Variants in HERC2 observed in about 807,000 individuals in gnomAD.
HERC2 encodes the protein HECT and RLD domain containing E3 ubiquitin protein ligase 2.
In HERC2, 102 loss-of-function variants were observed where a neutral mutation model predicts 537.7. The ratio of observed to expected loss-of-function variants is 0.19; its 90% confidence interval spans 0.16 to 0.22. The LOEUF is 0.22. Ranked by LOEUF, HERC2 falls within the 10% of genes least tolerant of loss-of-function variation. HERC2 has a pLI of 1.00. For synonymous variants in HERC2, 2,224 were observed against 2,466.2 expected, an observed-to-expected ratio of 0.90 and a Z score of 2.91; for missense variants, 4,236 against 6,198.2, an observed-to-expected ratio of 0.68 and a Z score of 10.63.
chr15:28,187,664 G>A (rs564585285), intron 55 of HERC2, among the ~76,000 whole-genome samples: 4 of 152,190 alleles, frequency 2.6e-5, no homozygotes, highest in South Asian at 2.1e-4. Flanking sequence ...AAACATATCC[G>A]CATTGCTATT....
intron 23 of HERC2, among the ~76,000 whole-genome samples, chr15:28,241,995 G>A (rs1049825754): frequency 6.6e-6 from 1 of 152,158 alleles, no homozygotes; most frequent in African/African-American, 2.4e-5. Flanking sequence ...ACCTTAAAAT[G>A]TAAGGACATT....
chr15:28,235,204 G>A (rs567642520), intron 26 of HERC2, among the ~76,000 whole-genome samples: 4 of 152,134 alleles, frequency 2.6e-5, no homozygotes, highest in African/African-American at 7.2e-5. Context: ...CACCACATTC[G>A]TTCTTCTGAA....
intron 89 of HERC2, among the ~76,000 whole-genome samples, chr15:28,115,062 G>T (rs1237796520): frequency 2.0e-5 from 3 of 151,774 alleles, no homozygotes. Flanking sequence ...TGGCTAGCAA[G>T]GGTTCCCTCC....
rs1161531287 is a variant in HERC2 at position 28,172,902 on chromosome 15, C to G, written c.10057+1493G>C. Among the ~76,000 whole-genome samples, 3 of 152,288 alleles carry G rather than the reference C, an allele frequency of 2.0e-5. No homozygotes were observed. The East Asian group carries it at 5.8e-4, about 29-fold the overall frequency. The stretch of plus-strand genomic sequence containing the variant: ...TAACCCAGAATATATAAGAAACTCT[C>G]AAACTCAGTAAGAAAACAATCAACC... On this transcript the variant is annotated intron_variant, in intron 65 of 92. Transcript: ENST00000261609.
intron 65 of HERC2, among the ~76,000 whole-genome samples, chr15:28,171,789 A>G (rs1894719130): frequency 6.6e-6 from 1 of 152,164 alleles, no homozygotes; most frequent in Non-Finnish European, 1.5e-5. Context: ...AAACCTATAC[A>G]ATAGACCGGG....
At chr15:28,285,351 T>G (rs570741042) in intron 4 of HERC2, among the ~76,000 whole-genome samples, 2 of 152,270 alleles carry the variant, frequency 1.3e-5, no homozygotes, top group East Asian at 3.9e-4. Context: ...ATATGTTCCC[T>G]CAAACAATGG....
intron 64 of HERC2, among the ~76,000 whole-genome samples, chr15:28,174,946 G>C (rs1029539982): frequency 6.6e-6 from 1 of 151,952 alleles, no homozygotes; most frequent in African/African-American, 2.4e-5. Context: ...ATTTTGCAAA[G>C]AAAAATGACC....
At chr15:28,133,877 C>A (rs1223225293) in intron 79 of HERC2, among the ~76,000 whole-genome samples, 1 of 152,210 alleles carries the variant, frequency 6.6e-6, no homozygotes, top group African/African-American at 2.4e-5. Context: ...CCAAGCCATG[C>A]TGTTTACTGC....
In HERC2 at chr15:28,133,271, G is replaced by A. The variant is rs367765685; in HGVS notation, c.12231-441C>T. On this transcript the variant is annotated intron_variant, in intron 79 of 92. Coordinates refer to ENST00000261609, the MANE Select transcript of HERC2 (RefSeq NM_004667.6). ...GAGTTTTAACATATGAATGTCACTAGTCTATAACATAGTGACTACTGATAA... is the reference window on the plus strand; with the variant it reads ...GAGTTTTAACATATGAATGTCACTAATCTATAACATAGTGACTACTGATAA... Among the ~76,000 whole-genome samples the A allele has an allele frequency of 6.6e-5, 10 of 152,060 alleles. No homozygotes were observed. The East Asian group carries it at 9.6e-4, about 15-fold the overall frequency.
At chr15:28,235,910 T>G (rs1467352924) in intron 26 of HERC2, among the ~76,000 whole-genome samples, 4 of 152,158 alleles carry the variant, frequency 2.6e-5, no homozygotes, top group East Asian at 3.9e-4. Context: ...AAAGAAAATG[T>G]AAACCCATCT....
chr15:28,227,090 C>G (rs1484279696), intron 35 of HERC2, among the ~76,000 whole-genome samples: 1 of 152,184 alleles, frequency 6.6e-6, no homozygotes, highest in East Asian at 1.9e-4. Context: ...GCCTGGCCAA[C>G]ATGGCTAAAC....
At chr15:28,114,570 T>C in intron 90 of HERC2, 42 bp downstream of exon 90, 2 of 1,577,014 alleles carry the variant, frequency 1.3e-6, no homozygotes. Flanking sequence ...TCTGCTACTT[T>C]TGCTATTTAT....
chr15:28,113,859 T>C lies in HERC2; in HGVS notation c.13914-181A>G. ...GGCACTGCAGAGCTTCTCCTGACAC[T>C]GGGCTCATCTCGTCCAGCCGACAGG... On this transcript the variant is annotated intron_variant, in intron 90 of 92. Coordinates refer to ENST00000261609, the MANE Select transcript of HERC2 (RefSeq NM_004667.6). The surrounding 1 kb of genome is among the most constrained non-coding windows in gnomAD (Gnocchi z 7.0). The C allele has an allele frequency of 1.6e-6, 1 of 628,380 alleles. No individual in the cohort carries two copies. Among genetic ancestry groups the C allele is most frequent in the Non-Finnish European group, 2.9e-6 (1 of 347,442 alleles). 38.9% of individuals were successfully genotyped at this position (628,380 alleles called of 1,614,324 possible).
intron 55 of HERC2, among the ~76,000 whole-genome samples, chr15:28,187,298 A>G (rs1422763427): frequency 6.6e-6 from 1 of 152,122 alleles, no homozygotes; most frequent in Non-Finnish European, 1.5e-5. Flanking sequence ...ACTTCAGTAT[A>G]TATCACTGAA....
Position 28,169,479 on chromosome 15 carries a change from C to A in HERC2, c.10229+5G>T, listed in dbSNP as rs1374974876. 5 of 1,559,882 alleles carry A rather than the reference C, an allele frequency of 3.2e-6. No homozygotes were observed. The African/African-American group carries it at 6.9e-5, about 21-fold the overall frequency. ...AGAATTTCAAAAATTAGCACAGAAGCCTACCTGGCATACATGATTTGCAAT... is the reference window on the plus strand; with the variant it reads ...AGAATTTCAAAAATTAGCACAGAAGACTACCTGGCATACATGATTTGCAAT... On this transcript the variant is annotated splice_donor_5th_base_variant and intron_variant, in intron 66 of 92. Transcript: ENST00000261609.
chr15:28,272,853 A>G (rs749051331), intron 8 of HERC2, 41 bp downstream of exon 8: 1 of 1,333,512 alleles, frequency 7.5e-7, no homozygotes. Context: ...TTCCATACAC[A>G]GGCGCTTCCC....
chr15:28,153,734 C>T (rs1272617046), intron 69 of HERC2, among the ~76,000 whole-genome samples: 1 of 152,194 alleles, frequency 6.6e-6, no homozygotes, highest in African/African-American at 2.4e-5. Flanking sequence ...AAATGAAACA[C>T]CGTGGTGACA....
At position 28,113,311 on chromosome 15, in the gene HERC2, G is replaced by A. The variant is rs768680749; in HGVS notation, c.14020-28C>T. The A allele has an allele frequency of 5.2e-5, 83 of 1,602,048 alleles. No individual in the cohort carries two copies. Among genetic ancestry groups the A allele is most frequent in the African/African-American group, 6.7e-5 (5 of 74,694 alleles). On this transcript the variant is annotated intron_variant, in intron 91 of 92. Coordinates refer to ENST00000261609, the MANE Select transcript of HERC2 (RefSeq NM_004667.6). The surrounding 1 kb of genome is among the most constrained non-coding windows in gnomAD (Gnocchi z 7.0). ...GCGGGAGGATGTCTGTCAGGGCCGCGTGATGCTTCCCACCCTGGCATTTCC... is the reference window on the plus strand; with the variant it reads ...GCGGGAGGATGTCTGTCAGGGCCGCATGATGCTTCCCACCCTGGCATTTCC...
chr15:28,253,450 A>G (rs1346024629), intron 20 of HERC2, among the ~76,000 whole-genome samples: 2 of 152,248 alleles, frequency 1.3e-5, no homozygotes, highest in Non-Finnish European at 2.9e-5. Context: ...ATCTTTTTAC[A>G]TGTTTACTGC....
Sources: gnomAD v4.1 joint callset for allele counts (sites outside exome capture counted in the v4.1 genomes callset) on GRCh38, gnomAD v4.1.1 for gene constraint, Gnocchi (gnomAD v3.1) non-coding constraint, MANE v1.5 for transcripts, NCBI Gene and HGNC (gene_info 2026-07-23, HGNC 2026-07-21) for gene names.